The following SVEP1 variants were observed in gnomAD, a reference collection of about 807,000 sequenced individuals.
SVEP1 encodes sushi, von Willebrand factor type A, EGF and pentraxin domain-containing protein 1.
A neutral mutation model predicts 367.3 loss-of-function variants in SVEP1; 164 were observed. That is an observed-to-expected ratio of 0.45 (90% CI 0.39 to 0.51). The LOEUF is 0.51. Ranked by LOEUF, SVEP1 falls within the 20% of genes least tolerant of loss-of-function variation. The pLI is 0.00. For synonymous variants in SVEP1, 1,666 were observed against 1,611.6 expected (o/e 1.03, Z -0.81); for missense variants, 4,117 against 4,425.3 (o/e 0.93, Z 1.98).
chr9:110,524,818 C>T (rs921863592), intron 3 of SVEP1, among the ~76,000 whole-genome samples: 13 of 151,568 alleles, frequency 8.6e-5, no homozygotes, highest in Admixed American at 5.3e-4. Context: ...CTCAAGTGAC[C>T]CTCTTACCTT....
chr9:110,572,609 C>T (rs1830577042), intron 1 of SVEP1, among the ~76,000 whole-genome samples: 1 of 152,010 alleles, frequency 6.6e-6, no homozygotes, highest in African/African-American at 2.4e-5. Context: ...CACCTGTAAT[C>T]CCAGCACTTT....
chr9:110,515,032 A>G (rs1829782306), intron 3 of SVEP1, among the ~76,000 whole-genome samples: 1 of 152,140 alleles, frequency 6.6e-6, no homozygotes, highest in Non-Finnish European at 1.5e-5. Context: ...AGGCTCATGG[A>G]AAAAAAAGAT....
intron 14 of SVEP1, 132 bp from the exon 15 acceptor site, chr9:110,472,455 G>T: frequency 2.5e-6 from 2 of 793,004 alleles, no homozygotes; most frequent in African/African-American, 1.8e-5. Context: ...CTGCATACAG[G>T]GTTTGGTCTA....
intron 15 of SVEP1, 123 bp from the exon 16 acceptor site, chr9:110,471,720 A>G (rs1424494977): frequency 5.7e-6 from 4 of 705,160 alleles, no homozygotes; most frequent in Non-Finnish European, 9.2e-6. Flanking sequence ...GGTCTATAGA[A>G]AAAAAATAAA....
intron 47 of SVEP1, 46 bp from the exon 48 acceptor site, chr9:110,366,606 T>C (rs749109767): frequency 1.4e-4 from 208 of 1,502,486 alleles, no homozygotes; most frequent in South Asian, 6.4e-5. Flanking sequence ...AAAGAAAAAA[T>C]TGAACTGAAG....
intron 27 of SVEP1, among the ~76,000 whole-genome samples, chr9:110,441,558 T>C (rs1421207349): frequency 2.0e-5 from 3 of 152,212 alleles, no homozygotes; most frequent in Admixed American, 6.5e-5. Flanking sequence ...GCTTGGCAAA[T>C]GCTCAGTGTG....
intron 1 of SVEP1, among the ~76,000 whole-genome samples, chr9:110,572,073 G>C (rs1363916064): frequency 6.6e-6 from 1 of 151,908 alleles, no homozygotes; most frequent in African/African-American, 2.4e-5. Context: ...CTTCTCCTTA[G>C]CTTTTGATAC....
At chr9:110,497,004 C>T in intron 7 of SVEP1, 71 bp from the exon 8 acceptor site, 1 of 1,011,238 alleles carries the variant, frequency 9.9e-7, no homozygotes, top group Non-Finnish European at 1.4e-6. Context: ...GGAAGAGGTA[C>T]AAATCTAGTT....
At chr9:110,547,107 C>T (rs990091941) in intron 2 of SVEP1, among the ~76,000 whole-genome samples, 6 of 152,132 alleles carry the variant, frequency 3.9e-5, no homozygotes, top group African/African-American at 1.4e-4. Context: ...CAATTGGACA[C>T]CTTGGAAGGA....
At chr9:110,387,233 G>T in intron 42 of SVEP1, 52 bp downstream of exon 42, 1 of 1,508,044 alleles carries the variant, frequency 6.6e-7, no homozygotes, top group Non-Finnish European at 8.8e-7. Flanking sequence ...TATGCGGGAA[G>T]CTAATCGTGA....
At chr9:110,415,687 G>C (rs1284318095) in intron 36 of SVEP1, among the ~76,000 whole-genome samples, 3 of 151,962 alleles carry the variant, frequency 2.0e-5, no homozygotes, top group Non-Finnish European at 2.9e-5. Context: ...TTCTTGTTCT[G>C]CTCTACAACA....
chr9:110,483,728 C>T (rs766394610), intron 9 of SVEP1, 35 bp from the exon 10 acceptor site: 4 of 1,485,868 alleles, frequency 2.7e-6, no homozygotes, highest in Non-Finnish European at 3.6e-6. Flanking sequence ...GAAGTCACAG[C>T]TGATATTCAC....
chr9:110,476,269 T>C lies in SVEP1; in HGVS notation c.2534A>G (p.Glu845Gly), dbSNP rs557277141. 6.6e-5 allele frequency: 107 copies of C among 1,613,570 alleles called. No homozygotes were observed. The highest frequency in any genetic ancestry group is 5.2e-5 in the Non-Finnish European group (61 of 1,179,722). Residue 845 changes from glutamate to glycine, a missense_variant, in exon 14 of 48, where the codon GAG becomes GGG. This residue lies in a region of SVEP1 where 2,174 missense variants were observed against 2,494.3 expected (regional missense o/e 0.87). Transcript: ENST00000374469. ...GCAATATTTTTTGGTCAGGTTCTCCTCCAGTCTGCAGTCAATGTCCTCTGC... is the reference window on the plus strand; with the variant it reads ...GCAATATTTTTTGGTCAGGTTCTCCCCCAGTCTGCAGTCAATGTCCTCTGC... ...SDAEDIDCRLEENLTKKYCLE... is the reference protein window; with the variant it reads ...SDAEDIDCRLGENLTKKYCLE...
chr9:110,383,511 TCTGGTGACCCCTG>T (rs1827472984), intron 43 of SVEP1, among the ~76,000 whole-genome samples: 1 of 151,558 alleles, frequency 6.6e-6, no homozygotes, highest in Non-Finnish European at 1.5e-5. Flanking sequence ...GTATAAGGTG[TCTGGTGACCCCTG>T]TTGTGGGGGG....
At chr9:110,484,702 AG>A in intron 9 of SVEP1, among the ~76,000 whole-genome samples, 1 of 152,198 alleles carries the variant, frequency 6.6e-6, no homozygotes, top group East Asian at 1.9e-4. Context: ...CATCTGACAA[AG>A]GTCTAATATC....
At chr9:110,397,951 C>A (rs767894430) in intron 40 of SVEP1, among the ~76,000 whole-genome samples, 2 of 150,640 alleles carry the variant, frequency 1.3e-5, no homozygotes, top group Non-Finnish European at 3.0e-5. Context: ...CCATCCCCAT[C>A]GAGCAACCAA....
chr9:110,408,963 G>A lies in SVEP1; in HGVS notation c.6649-12C>T, dbSNP rs570847539. On this transcript the variant is annotated splice_polypyrimidine_tract_variant and intron_variant, in intron 37 of 47. Coordinates refer to ENST00000374469, the MANE Select transcript of SVEP1 (RefSeq NM_153366.4). ...CTGCCAGTTGTATGCTGTGCAACAG[G>A]AAGAAAGCAAGTGAGTGCGATTTGT... 4.5e-6 allele frequency: 7 copies of A among 1,546,494 alleles called. No homozygotes were observed. In the East Asian group the frequency reaches 1.4e-4, roughly 30 times the overall value.
At position 110,436,519 on chromosome 9, in the gene SVEP1, A is replaced by C. The variant is rs368238632; in HGVS notation, c.4640-15T>G. 1 of 1,611,500 alleles carries C rather than the reference A, an allele frequency of 6.2e-7. No individual in the cohort carries two copies. Among genetic ancestry groups the C allele is most frequent in the Non-Finnish European group, 8.5e-7 (1 of 1,178,566 alleles). The stretch of plus-strand genomic sequence containing the variant: ...CGCACCACCACCTAAGGAGAGAGAA[A>C]GAGAAAGAAAAGGAGGAAAACTGGC... On this transcript the variant is annotated splice_polypyrimidine_tract_variant and intron_variant, in intron 27 of 47. Coordinates refer to ENST00000374469, the MANE Select transcript of SVEP1 (RefSeq NM_153366.4).
At chr9:110,530,239 G>A (rs929062055) in intron 3 of SVEP1, among the ~76,000 whole-genome samples, 15 of 152,246 alleles carry the variant, frequency 9.9e-5, no homozygotes, top group South Asian at 2.1e-4. Flanking sequence ...TTTTTGATGC[G>A]CAGTTGGATT....
Sources: allele counts gnomAD v4.1 joint callset (sites outside exome capture counted in the v4.1 genomes callset), GRCh38; gene constraint gnomAD v4.1.1; regional missense constraint gnomAD v4.1.1; transcripts MANE v1.5; gene names NCBI Gene and HGNC (gene_info 2026-07-23, HGNC 2026-07-21).